Variants in SEMA6A observed in about 807,000 individuals in gnomAD.
SEMA6A encodes semaphorin 6A.
SEMA6A carries 25 observed loss-of-function variants against 96.8 expected under a neutral mutation model. That is an observed-to-expected ratio of 0.26 (90% CI 0.19 to 0.36). The LOEUF (loss-of-function observed/expected upper bound fraction) is 0.36. Among genes scored for constraint, SEMA6A ranks in the 10% least tolerant of loss-of-function variants. The probability of loss-of-function intolerance (pLI) is 1.00; values close to 1 mark genes in which losing one functional copy is unlikely to be tolerated. For missense variants in SEMA6A, 1,363 were observed against 1,323.1 expected (o/e 1.03, Z -0.47); for synonymous variants, 612 against 518.0 (o/e 1.18, Z -2.46).
At chr5:116,488,790 C>G (rs1036449814) in intron 8 of SEMA6A, 98 bp downstream of exon 8, 5 of 1,340,676 alleles carry the variant, frequency 3.7e-6, no homozygotes, top group Non-Finnish European at 4.9e-6. Context: ...AGCCATTACT[C>G]AAATGAAGAT....
At chr5:116,477,821 C>A in intron 15 of SEMA6A, 25 bp downstream of exon 15, 1 of 1,611,860 alleles carries the variant, frequency 6.2e-7, no homozygotes, top group South Asian at 1.1e-5. Flanking sequence ...CCACTTCACC[C>A]TCTCCCACAC....
intron 2 of SEMA6A, among the ~76,000 whole-genome samples, chr5:116,504,168 CTT>C (rs1181363342): frequency 2.0e-5 from 3 of 152,066 alleles, no homozygotes; most frequent in Admixed American, 1.3e-4. Flanking sequence ...AAAATGCTCT[CTT>C]ACATTTTTAC....
At chr5:116,489,243 G>GGCAGCA (rs1007107238) in intron 7 of SEMA6A, among the ~76,000 whole-genome samples, 1 of 151,726 alleles carries the variant, frequency 6.6e-6, no homozygotes, top group Non-Finnish European at 1.5e-5. Flanking sequence ...TTTTTTAAGC[G>GGCAGCA]GCAGCAGCAG....
intron 7 of SEMA6A, among the ~76,000 whole-genome samples, chr5:116,489,764 G>A (rs1265416569): frequency 1.3e-5 from 2 of 152,126 alleles, no homozygotes; most frequent in Non-Finnish European, 2.9e-5. Flanking sequence ...TAGATCCCAG[G>A]CATAAGAGAA....
intron 1 of SEMA6A, among the ~76,000 whole-genome samples, chr5:116,524,609 A>T (rs1196214699): frequency 6.6e-6 from 1 of 152,200 alleles, no homozygotes; most frequent in East Asian, 1.9e-4. Flanking sequence ...ACCTTTAAAA[A>T]AAAAAAATCA....
At chr5:116,497,728 C>T (rs891175913) in intron 3 of SEMA6A, among the ~76,000 whole-genome samples, 4 of 152,180 alleles carry the variant, frequency 2.6e-5, no homozygotes, top group African/African-American at 7.2e-5. Flanking sequence ...CAGATGGATT[C>T]GTGTGCCCTT....
chr5:116,475,897 T>G (rs1245420323), intron 15 of SEMA6A, among the ~76,000 whole-genome samples: 1 of 152,234 alleles, frequency 6.6e-6, no homozygotes, highest in Non-Finnish European at 1.5e-5. Flanking sequence ...GAGCATTTCT[T>G]AAACATTTAA....
intron 7 of SEMA6A, 89 bp downstream of exon 7, chr5:116,491,651 G>T: frequency 1.1e-6 from 1 of 943,060 alleles, no homozygotes; most frequent in Non-Finnish European, 1.7e-6. Flanking sequence ...AAGCACAACT[G>T]TGACTCCACG....
chr5:116,481,127 G>GC (rs1756741074), intron 11 of SEMA6A, among the ~76,000 whole-genome samples: 1 of 152,024 alleles, frequency 6.6e-6, no homozygotes, highest in African/African-American at 2.4e-5. Context: ...CCTGACTGCT[G>GC]CAAGAGGGAC....
intron 1 of SEMA6A, among the ~76,000 whole-genome samples, chr5:116,568,838 AC>A (rs1761107099): frequency 6.6e-6 from 1 of 151,888 alleles, no homozygotes; most frequent in Non-Finnish European, 1.5e-5. Context: ...ACACACACAC[AC>A]ACACACACAT....
intron 18 of SEMA6A, among the ~76,000 whole-genome samples, chr5:116,448,588 T>C (rs1754422848): frequency 1.3e-5 from 2 of 152,106 alleles, no homozygotes; most frequent in Non-Finnish European, 2.9e-5. Flanking sequence ...CCAGTTGGGA[T>C]CTTTTCCGAC....
At chr5:116,533,855 C>T (rs549149071) in intron 1 of SEMA6A, among the ~76,000 whole-genome samples, 9 of 152,272 alleles carry the variant, frequency 5.9e-5, no homozygotes, top group South Asian at 2.1e-4. Context: ...CACTTAGGTC[C>T]ATGGCTGCCT....
chr5:116,510,809 G>T (rs1299791921), intron 1 of SEMA6A, among the ~76,000 whole-genome samples: 1 of 151,934 alleles, frequency 6.6e-6, no homozygotes, highest in Non-Finnish European at 1.5e-5. Context: ...ACACAAACAT[G>T]GTGTGGTTTT....
intron 18 of SEMA6A, among the ~76,000 whole-genome samples, chr5:116,452,647 G>A (rs893902664): frequency 6.6e-6 from 1 of 151,642 alleles, no homozygotes; most frequent in African/African-American, 2.4e-5. Context: ...AATAAATTTT[G>A]AAATATCAAA....
chr5:116,548,579 T>A (rs1760279521), intron 1 of SEMA6A, among the ~76,000 whole-genome samples: 1 of 152,202 alleles, frequency 6.6e-6, no homozygotes, highest in African/African-American at 2.4e-5. Flanking sequence ...AAACAACACA[T>A]TTTTCATTGA....
chr5:116,488,881 T>C lies in SEMA6A; in HGVS notation c.655+7A>G, dbSNP rs1314753694. On this transcript the variant is annotated splice_region_variant and intron_variant, in intron 8 of 18. Transcript: ENST00000343348. ...TCCGACCCTCCTTCTTTTAATTGTTTGTTCACCTTTCAACCATTTTGAATC... is the reference window on the plus strand; with the variant it reads ...TCCGACCCTCCTTCTTTTAATTGTTCGTTCACCTTTCAACCATTTTGAATC... 6.4e-7 allele frequency: 1 copy of C among 1,557,794 alleles called. No homozygotes were observed. The highest frequency in any genetic ancestry group is 8.7e-7 in the Non-Finnish European group (1 of 1,150,128).
At chr5:116,490,577 T>G (rs144760416) in intron 7 of SEMA6A, among the ~76,000 whole-genome samples, 1 of 152,310 alleles carries the variant, frequency 6.6e-6, no homozygotes, top group East Asian at 1.9e-4. Context: ...GACTTTGTAT[T>G]CTTGACGGAA....
At position 116,443,661 on chromosome 5, in the gene SEMA6A, A is replaced by T. The variant is rs192393512; in HGVS notation, c.*2952T>A. 29 of 151,994 alleles carry T rather than the reference A, an allele frequency of 1.9e-4. No individual in the cohort carries two copies. Among genetic ancestry groups the T allele is most frequent in the African/African-American group, 6.5e-4 (27 of 41,234 alleles). 9.4% of individuals were successfully genotyped at this position (151,994 alleles called of 1,614,324 possible). ...TCTTTTTTCTTTTCTTACAACATAC[A>T]TTAAGTCGTGAATCAGATGTTAGGG... On this transcript the variant is annotated 3_prime_UTR_variant, in exon 19 of 19. Coordinates refer to ENST00000343348, the MANE Select transcript of SEMA6A (RefSeq NM_020796.5).
Position 116,447,811 on chromosome 5 carries a change from C to A in SEMA6A, c.1895G>T (p.Gly632Val). 8 of 1,587,932 alleles carry A rather than the reference C, an allele frequency of 5.0e-6. No individual in the cohort carries two copies. The highest frequency in any genetic ancestry group is 6.9e-6 in the Non-Finnish European group (8 of 1,163,646). ...TTTGAGGTAACTTTCCCGAATCACT[C>A]CTGCAATAGACATCGCATATGGCGT... ...VSSHNHQDKK[G>V]VIRESYLKGH... Residue 632 changes from glycine to valine, a missense_variant and splice_region_variant, in exon 19 of 19, where the codon GGA becomes GTA. By Grantham distance (109) the Gly-to-Val change is moderately radical. This residue lies in a region of SEMA6A where 883 missense variants were observed against 763.6 expected (regional missense o/e 1.16). Coordinates refer to ENST00000343348, the MANE Select transcript of SEMA6A (RefSeq NM_020796.5).
Sources: gnomAD v4.1 joint callset for allele counts (sites outside exome capture counted in the v4.1 genomes callset) on GRCh38, gnomAD v4.1.1 for gene constraint, gnomAD v4.1.1 regional missense constraint, MANE v1.5 for transcripts, NCBI Gene and HGNC (gene_info 2026-07-23, HGNC 2026-07-21) for gene names.